The following PCGF5 variants were observed in gnomAD, a reference collection of about 807,000 sequenced individuals.
The protein encoded by PCGF5 is polycomb group RING finger protein 5.
In PCGF5, 9 loss-of-function variants were observed where a neutral mutation model predicts 44.3. The ratio of observed to expected loss-of-function variants is 0.20; its 90% CI spans 0.12 to 0.35. The LOEUF is 0.35. PCGF5 is among the 10% of genes least tolerant of loss of function. PCGF5 has a pLI of 1.00. For synonymous variants in PCGF5, 95 were observed against 102.5 expected, an observed-to-expected ratio of 0.93 and a Z score of 0.44; for missense variants, 146 against 305.3, an observed-to-expected ratio of 0.48 and a Z score of 3.89.
intron 1 of PCGF5, among the ~76,000 whole-genome samples, chr10:91,205,375 C>T (rs1844328063): frequency 6.6e-6 from 1 of 152,102 alleles, no homozygotes. Context: ...CACTCTAAAT[C>T]CTTCACAGAT....
chr10:91,180,300 GT>G (rs1638530119), intron 1 of PCGF5, among the ~76,000 whole-genome samples: 1 of 152,116 alleles, frequency 6.6e-6, no homozygotes. Flanking sequence ...TAGGTTGTCT[GT>G]TTATTCTGCT....
intron 1 of PCGF5, among the ~76,000 whole-genome samples, chr10:91,184,600 A>G (rs1210240837): frequency 2.6e-5 from 4 of 152,176 alleles, no homozygotes; most frequent in Admixed American, 2.6e-4. Context: ...CACTTGCTGG[A>G]GAGGTGATAC....
chr10:91,177,499 C>G (rs918166937), intron 1 of PCGF5, among the ~76,000 whole-genome samples: 1 of 152,326 alleles, frequency 6.6e-6, no homozygotes, highest in Middle Eastern at 3.4e-3. Flanking sequence ...GCCTTGCCCC[C>G]GGAGGTGGAG....
chr10:91,178,079 G>A (rs1026105084), intron 1 of PCGF5, among the ~76,000 whole-genome samples: 3 of 152,152 alleles, frequency 2.0e-5, no homozygotes, highest in Non-Finnish European at 2.9e-5. Flanking sequence ...TTTTAATAAC[G>A]ATTGGTATAG....
intron 6 of PCGF5, among the ~76,000 whole-genome samples, chr10:91,254,669 T>G (rs2133389563): frequency 6.6e-6 from 1 of 152,208 alleles, no homozygotes; most frequent in African/African-American, 2.4e-5. Context: ...GGGCAGTAGT[T>G]GCATGTATAG....
At chr10:91,169,709 T>G (rs1246483434) in intron 1 of PCGF5, among the ~76,000 whole-genome samples, 1 of 152,232 alleles carries the variant, frequency 6.6e-6, no homozygotes, top group East Asian at 1.9e-4. Flanking sequence ...CCCAACTGTA[T>G]TCATATATTT....
chr10:91,158,221 T>C (rs1466211643), upstream of PCGF5, among the ~76,000 whole-genome samples: 2 of 152,184 alleles, frequency 1.3e-5, no homozygotes, highest in South Asian at 4.1e-4. Context: ...TATGAAGGTG[T>C]TGGGAAAGTC....
intron 1 of PCGF5, among the ~76,000 whole-genome samples, chr10:91,173,595 T>TTTTTTTTTTTTTTTTTTCC (rs71025342): frequency 1.4e-5 from 2 of 140,842 alleles, no homozygotes; most frequent in East Asian, 4.1e-4. Context: ...TTTTTTTTTT[T>TTTTTTTTTTTTTTTTTTCC]CCCACAGAAG....
chr10:91,190,812 A>C (rs559875389), intron 1 of PCGF5, among the ~76,000 whole-genome samples: 1 of 152,344 alleles, frequency 6.6e-6, no homozygotes, highest in African/African-American at 2.4e-5. Flanking sequence ...AGGTATTCAA[A>C]AAGCAGAAGG....
At chr10:91,188,357 G>C (rs967700741) in intron 1 of PCGF5, among the ~76,000 whole-genome samples, 1 of 152,132 alleles carries the variant, frequency 6.6e-6, no homozygotes, top group Non-Finnish European at 1.5e-5. Context: ...GATTCTATTG[G>C]CTCTAAAATC....
chr10:91,254,565 T>G (rs985882310), intron 6 of PCGF5, among the ~76,000 whole-genome samples: 7 of 152,030 alleles, frequency 4.6e-5, no homozygotes, highest in African/African-American at 1.7e-4. Context: ...AGACTGTAAA[T>G]CCCTTAGTGG....
intron 1 of PCGF5, among the ~76,000 whole-genome samples, chr10:91,186,919 C>T (rs2133204189): frequency 6.6e-6 from 1 of 152,248 alleles, no homozygotes; most frequent in South Asian, 2.1e-4. Flanking sequence ...TAGAACTTGC[C>T]CACACAATGC....
At chr10:91,190,468 C>T (rs1564629342) in intron 1 of PCGF5, among the ~76,000 whole-genome samples, 3 of 152,110 alleles carry the variant, frequency 2.0e-5, no homozygotes. Context: ...TTTAGTTTCC[C>T]CATGTATAAA....
In PCGF5 at chr10:91,280,968, C is replaced by T. The variant is rs1485435619; in HGVS notation, c.*2652C>T. The T allele has an allele frequency of 6.6e-6, 1 of 152,354 alleles. No homozygotes were observed. Among genetic ancestry groups the T allele is most frequent in the African/African-American group, 2.4e-5 (1 of 41,412 alleles). The allele number at this position is 152,354 out of a possible 1,614,324, so 9.4% of individuals were successfully genotyped here. On this transcript the variant is annotated 3_prime_UTR_variant, in exon 10 of 10. Transcript: ENST00000336126. ...GTTTCTTAAGCAATAAACTGAAAGA[C>T]CTTTACTTCCATAAAAGATTTTGTT...
Position 91,167,462 on chromosome 10 carries a change from G to A in PCGF5, c.-184+4381G>A, listed in dbSNP as rs77746884. Among the ~76,000 whole-genome samples the A allele has an allele frequency of 5.6e-3, 860 of 152,282 alleles. 12 individuals carry two copies. Among genetic ancestry groups the A allele is most frequent in the African/African-American group, 0.019 (806 of 41,570 alleles). Reference sequence around the variant, plus strand: ...CAGAAAAAAGGTAAGACTTAATTAGGGAATTTTGAGCAAGGCTTAAAAAAT... The same window carrying A: ...CAGAAAAAAGGTAAGACTTAATTAGAGAATTTTGAGCAAGGCTTAAAAAAT... On this transcript the variant is annotated intron_variant, in intron 1 of 9. Coordinates refer to the PCGF5 transcript ENST00000614189.
chr10:91,222,831 T>G lies in PCGF5; in HGVS notation c.-41T>G. The G allele has an allele frequency of 7.9e-7, 1 of 1,269,484 alleles. No homozygotes were observed. Among genetic ancestry groups the G allele is most frequent in the Non-Finnish European group, 1.2e-6 (1 of 867,100 alleles). 78.6% of individuals were successfully genotyped at this position (1,269,484 alleles called of 1,614,324 possible). On this transcript the variant is annotated 5_prime_UTR_variant, in exon 2 of 10. Coordinates refer to ENST00000336126, the MANE Select transcript of PCGF5 (RefSeq NM_032373.5). ...CAGACTTTCATCTACTTAGGACCCC[T>G]CTTTGCCCAGACTACTAAAGCCAGT...
At chr10:91,225,370 T>C (rs1844802260) in intron 2 of PCGF5, among the ~76,000 whole-genome samples, 2 of 150,978 alleles carry the variant, frequency 1.3e-5, no homozygotes, top group South Asian at 4.2e-4. Flanking sequence ...TAAATGACAG[T>C]TTAACTGCAC....
chr10:91,210,084 C>A (rs1844420728), intron 1 of PCGF5, among the ~76,000 whole-genome samples: 2 of 152,342 alleles, frequency 1.3e-5, no homozygotes, highest in East Asian at 3.9e-4. Context: ...CAATTTCTAA[C>A]ATATAAATGA....
At chr10:91,196,334 T>C (rs1019757652) in intron 1 of PCGF5, among the ~76,000 whole-genome samples, 1 of 152,204 alleles carries the variant, frequency 6.6e-6, no homozygotes, top group African/African-American at 2.4e-5. Flanking sequence ...CTAATTTCAG[T>C]TTACAAAGTT....
Sources: allele counts gnomAD v4.1 joint callset (sites outside exome capture counted in the v4.1 genomes callset), GRCh38; gene constraint gnomAD v4.1.1; transcripts MANE v1.5; gene names NCBI Gene and HGNC (gene_info 2026-07-23, HGNC 2026-07-21).